The following VPS36 variants were observed in gnomAD, a reference collection of about 807,000 sequenced individuals.
VPS36 encodes vacuolar protein sorting 36 homolog.
A neutral mutation model predicts 63.5 loss-of-function variants in VPS36; 31 were observed. That is an observed-to-expected ratio of 0.49 (90% CI 0.37 to 0.66). The LOEUF (loss-of-function observed/expected upper bound fraction) is 0.66. Ranked by LOEUF, VPS36 falls within the 30% of genes least tolerant of loss-of-function variation. The probability of loss-of-function intolerance (pLI) is 0.00; values close to 1 mark genes in which losing one functional copy is unlikely to be tolerated. For synonymous variants in VPS36, 138 were observed against 157.2 expected (o/e 0.88, Z 0.91); for missense variants, 338 against 463.7 (o/e 0.73, Z 2.49).
chr13:52,439,538 T>C (rs1164120277), intron 2 of VPS36, among the ~76,000 whole-genome samples: 2 of 152,038 alleles, frequency 1.3e-5, no homozygotes, highest in Non-Finnish European at 1.5e-5. Flanking sequence ...CTCTGCCTCC[T>C]GGGTTAACAC....
intron 1 of VPS36, among the ~76,000 whole-genome samples, chr13:52,446,816 G>A (rs1958347974): frequency 6.6e-6 from 1 of 151,090 alleles, no homozygotes; most frequent in Admixed American, 6.6e-5. Context: ...TAATAGTATA[G>A]TTAGAAAATA....
chr13:52,434,758 G>C, intron 5 of VPS36, 35 bp downstream of exon 5: 1 of 1,579,440 alleles, frequency 6.3e-7, no homozygotes. Flanking sequence ...GTACAGAGTT[G>C]AAAATACTGG....
intron 10 of VPS36, among the ~76,000 whole-genome samples, chr13:52,421,477 T>G (rs1007453414): frequency 6.7e-6 from 1 of 149,864 alleles, no homozygotes; most frequent in Admixed American, 6.7e-5. Flanking sequence ...GACTAGATAA[T>G]GGCAATGCAG....
chr13:52,431,535 C>G (rs891808287), intron 6 of VPS36, among the ~76,000 whole-genome samples: 1 of 151,742 alleles, frequency 6.6e-6, no homozygotes, highest in African/African-American at 2.4e-5. Flanking sequence ...GAGGCCGAGG[C>G]AGGCGGTTCA....
chr13:52,427,234 G>C lies in VPS36; in HGVS notation c.529-15C>G, dbSNP rs1958111128. ...TCTTCAAAGGCCTGAAATGAGAAATGAATTTTGGTTGAAATCCATCTAAAG... is the reference window on the plus strand; with the variant it reads ...TCTTCAAAGGCCTGAAATGAGAAATCAATTTTGGTTGAAATCCATCTAAAG... On this transcript the variant is annotated splice_polypyrimidine_tract_variant and intron_variant, in intron 6 of 13. Coordinates refer to ENST00000378060, the MANE Select transcript of VPS36 (RefSeq NM_016075.4). 6.2e-7 allele frequency: 1 copy of C among 1,612,384 alleles called. No individual in the cohort carries two copies. Among genetic ancestry groups the C allele is most frequent in the African/African-American group, 1.3e-5 (1 of 74,852 alleles).
At chr13:52,425,671 T>A in intron 9 of VPS36, 1 of 306,118 alleles carries the variant, frequency 3.3e-6, no homozygotes, top group Non-Finnish European at 5.9e-6. Flanking sequence ...GATCATATAT[T>A]TCCTTTTTAA....
At chr13:52,436,612 GA>G (rs1958221192) in intron 3 of VPS36, among the ~76,000 whole-genome samples, 1 of 152,054 alleles carries the variant, frequency 6.6e-6, no homozygotes, top group African/African-American at 2.4e-5. Flanking sequence ...CCAAAGCTAT[GA>G]ACCAAAAAGC....
At chr13:52,441,924 C>T (rs1255223583) in intron 2 of VPS36, among the ~76,000 whole-genome samples, 2 of 152,168 alleles carry the variant, frequency 1.3e-5, no homozygotes, top group Admixed American at 6.5e-5. Context: ...GACTCCCTCA[C>T]AACTGATGGG....
chr13:52,426,101 T>C, intron 8 of VPS36, 35 bp from the exon 9 acceptor site: 4 of 1,603,650 alleles, frequency 2.5e-6, no homozygotes, highest in Non-Finnish European at 3.4e-6. Context: ...AGAATTAGTC[T>C]CTCCACCTCA....
At chr13:52,422,682 A>G (rs1958058502) in intron 10 of VPS36, among the ~76,000 whole-genome samples, 1 of 152,246 alleles carries the variant, frequency 6.6e-6, no homozygotes, top group Admixed American at 6.5e-5. Context: ...CTAGTTTGTT[A>G]AGGATAATAG....
At chr13:52,436,263 T>C (rs1259274349) in intron 4 of VPS36, 27 bp downstream of exon 4, 3 of 1,159,146 alleles carry the variant, frequency 2.6e-6, no homozygotes, top group East Asian at 2.7e-5. Context: ...ACCTTTCTAG[T>C]ACGATTTTAT....
rs1159649334 is a variant in VPS36 at position 52,413,995 on chromosome 13, T to C, written c.*1835A>G. ...ATTTTATACAATTCAGATTGCTCCA[T>C]TTTTTTTCATCAGTTGTCACACTAA... On this transcript the variant is annotated 3_prime_UTR_variant, in exon 14 of 14. Coordinates refer to ENST00000378060, the MANE Select transcript of VPS36 (RefSeq NM_016075.4). 1 of 149,642 alleles carries C rather than the reference T, an allele frequency of 6.7e-6. No individual in the cohort carries two copies. The highest frequency in any genetic ancestry group is 2.4e-5 in the African/African-American group (1 of 40,818). The allele number at this position is 149,642 out of a possible 1,614,324, so 9.3% of individuals were successfully genotyped here.
chr13:52,436,218 A>AACACACACACACACACACACACAC lies in VPS36; in HGVS notation c.351+48_351+71dup, dbSNP rs150816705. On this transcript the variant is annotated intron_variant, in intron 4 of 13. Transcript: ENST00000378060. ...ACCTTCCATCATATTAACAAGCCAC[A>AACACACACACACACACACACACAC]ACACACACACACACACACACACACA... 1.1e-4 allele frequency: 74 copies of AACACACACACACACACACACACAC among 643,946 alleles called. 1 individual carries two copies. Among genetic ancestry groups the AACACACACACACACACACACACAC allele is most frequent in the African/African-American group, 2.8e-4 (15 of 54,492 alleles). The allele number at this position is 643,946 out of a possible 1,614,324, so 39.9% of individuals were successfully genotyped here. A position where few individuals can be genotyped will look rare whatever the true frequency, so the allele number is the denominator to read the frequency against.
At chr13:52,442,300 A>T (rs189216776) in intron 2 of VPS36, 77 bp downstream of exon 2, 547 of 1,356,550 alleles carry the variant, frequency 4.0e-4, no homozygotes, top group Non-Finnish European at 5.2e-4. Flanking sequence ...CAGCCTAGGC[A>T]ATACAGCGAG....
In VPS36 at chr13:52,439,062, T is replaced by C. The variant is rs373612775; in HGVS notation, c.236+36A>G. The C allele has an allele frequency of 3.1e-6, 5 of 1,591,966 alleles. No individual in the cohort carries two copies. The African/African-American group carries it at 6.7e-5, about 21-fold the overall frequency. ...GGCCAATAGCATAACAGGAAATGTTTTCTGTGAATAAAGACTGTGCTATAC... is the reference window on the plus strand; with the variant it reads ...GGCCAATAGCATAACAGGAAATGTTCTCTGTGAATAAAGACTGTGCTATAC... On this transcript the variant is annotated intron_variant, in intron 3 of 13. Transcript: ENST00000378060.
chr13:52,427,860 T>C (rs1359944061), intron 6 of VPS36, among the ~76,000 whole-genome samples: 1 of 152,190 alleles, frequency 6.6e-6, no homozygotes, highest in Non-Finnish European at 1.5e-5. Context: ...ATTCTGTCAC[T>C]GTCACTGGTT....
At chr13:52,439,570 C>T (rs574952815) in intron 2 of VPS36, among the ~76,000 whole-genome samples, 2 of 152,108 alleles carry the variant, frequency 1.3e-5, no homozygotes, top group South Asian at 4.1e-4. Flanking sequence ...TTCAGCCTCC[C>T]GAGTAGCTGG....
At chr13:52,439,216 T>C (rs1461741505) in intron 2 of VPS36, 48 bp from the exon 3 acceptor site, 1 of 1,544,092 alleles carries the variant, frequency 6.5e-7, no homozygotes, top group Admixed American at 1.7e-5. Flanking sequence ...ACAACATCCA[T>C]AACACTTGTC....
At chr13:52,442,620 T>C (rs576691384) in intron 1 of VPS36, among the ~76,000 whole-genome samples, 175 bp from the exon 2 acceptor site, 9 of 152,220 alleles carry the variant, frequency 5.9e-5, no homozygotes, top group South Asian at 2.1e-4. Context: ...AAGCTATTTG[T>C]ATAGTCTTGA....
Sources: gnomAD v4.1 joint callset for allele counts (sites outside exome capture counted in the v4.1 genomes callset) on GRCh38, gnomAD v4.1.1 for gene constraint, MANE v1.5 for transcripts, NCBI Gene and HGNC (gene_info 2026-07-23, HGNC 2026-07-21) for gene names.